The following PVT1 variants were observed in gnomAD, a reference collection of about 807,000 sequenced individuals.
The protein encoded by PVT1 is CXCR4/PVT1 fusion.
At chr8:128,074,829 C>T (rs1211886936) in intron 5 of PVT1, among the ~76,000 whole-genome samples, 1 of 152,168 alleles carries the variant, frequency 6.6e-6, no homozygotes, top group East Asian at 1.9e-4. Flanking sequence ...CAACCATCTT[C>T]CTCTCACACT....
At chr8:128,089,305 A>G (rs1286692906) in intron 5 of PVT1, among the ~76,000 whole-genome samples, 2 of 152,138 alleles carry the variant, frequency 1.3e-5, no homozygotes, top group Non-Finnish European at 2.9e-5. Flanking sequence ...TCGTTCATAA[A>G]TGATTGCTTT....
intron 3 of PVT1, among the ~76,000 whole-genome samples, chr8:127,984,877 CTTTCTTTCTTTCTT>C (rs1374797383): frequency 2.3e-5 from 2 of 87,434 alleles, no homozygotes; most frequent in Non-Finnish European, 4.7e-5. Flanking sequence ...TTCTTTCTTT[CTTTCTTTCTTTCTT>C]TCTTTCTTTC....
At chr8:128,056,744 G>C (rs762432628) in intron 4 of PVT1, among the ~76,000 whole-genome samples, 1 of 152,206 alleles carries the variant, frequency 6.6e-6, no homozygotes, top group Non-Finnish European at 1.5e-5. Context: ...CAGGCCTGCT[G>C]ACTCCAAGAG....
chr8:127,931,412 G>A (rs935369351), intron 3 of PVT1, among the ~76,000 whole-genome samples: 54 of 152,148 alleles, frequency 3.5e-4, no homozygotes, highest in African/African-American at 1.3e-3. Flanking sequence ...TGAAGGTGGG[G>A]GCACTATGTT....
chr8:127,963,022 G>A lies in PVT1; in HGVS notation n.783-26140G>A, dbSNP rs1816664531. ...GAGGTGTTTGGAAGAGGGCCCCAAT[G>A]GACCTCTGGCCTGCGGGATTGAGAT... On this transcript the variant is annotated intron_variant and non_coding_transcript_variant, in intron 3 of 10. Coordinates refer to ENST00000651587, the Ensembl canonical transcript of PVT1. 1.3e-5 allele frequency among the ~76,000 whole-genome samples: 2 copies of A among 152,182 alleles called. 1 individual carries two copies. Among genetic ancestry groups the A allele is most frequent in the Non-Finnish European group, 2.9e-5 (2 of 68,038 alleles).
At chr8:128,070,916 A>C (rs1813978345) in intron 5 of PVT1, among the ~76,000 whole-genome samples, 1 of 152,254 alleles carries the variant, frequency 6.6e-6, no homozygotes, top group Admixed American at 6.5e-5. Context: ...GTGGCTGATC[A>C]GTAACTTGGC....
At chr8:128,058,145 C>T (rs913592405) in intron 4 of PVT1, among the ~76,000 whole-genome samples, 6 of 152,184 alleles carry the variant, frequency 3.9e-5, no homozygotes, top group African/African-American at 1.2e-4. Context: ...TCATCTCTCT[C>T]GATTCTTCAG....
intron 3 of PVT1, among the ~76,000 whole-genome samples, chr8:127,966,486 G>A (rs1816704005): frequency 6.6e-6 from 1 of 152,176 alleles, no homozygotes; most frequent in African/African-American, 2.4e-5. Flanking sequence ...AAGCTAAACT[G>A]GGACATAACT....
chr8:127,974,040 C>G (rs1816794443), intron 3 of PVT1, among the ~76,000 whole-genome samples: 1 of 151,648 alleles, frequency 6.6e-6, no homozygotes, highest in African/African-American at 2.4e-5. Context: ...GGCCTCTCAG[C>G]AGGGCTTTAT....
chr8:127,901,158 A>T (rs1815754049), intron 3 of PVT1, among the ~76,000 whole-genome samples: 1 of 152,194 alleles, frequency 6.6e-6, no homozygotes, highest in Non-Finnish European at 1.5e-5. Context: ...ATGAGGCTGG[A>T]CATGGAGGTC....
chr8:127,798,158 G>A (rs569541275), intron 2 of PVT1, among the ~76,000 whole-genome samples: 5 of 151,824 alleles, frequency 3.3e-5, no homozygotes, highest in Non-Finnish European at 7.4e-5. Context: ...CAAAAAATTA[G>A]CCGGGCATGG....
intron 3 of PVT1, among the ~76,000 whole-genome samples, chr8:127,897,517 A>C (rs1011456141): frequency 3.3e-5 from 5 of 150,686 alleles, no homozygotes; most frequent in African/African-American, 1.2e-4. Flanking sequence ...GAAGGAAGGA[A>C]GGAAAGAAAG....
exon 2 of PVT1, chr8:127,796,006 G>T (rs566519441): frequency 6.6e-4 from 113 of 170,584 alleles, no homozygotes; most frequent in African/African-American, 2.6e-3. Context: ...TTACATCTTG[G>T]AGGTGAGGAC....
intron 4 of PVT1, among the ~76,000 whole-genome samples, chr8:127,992,586 G>A (rs1272435806): frequency 6.6e-6 from 1 of 152,156 alleles, no homozygotes; most frequent in Non-Finnish European, 1.5e-5. Context: ...CACTTGGTCT[G>A]GTTGTGAGGA....
chr8:127,916,795 G>A (rs766182699), intron 3 of PVT1, among the ~76,000 whole-genome samples: 4 of 152,122 alleles, frequency 2.6e-5, no homozygotes, highest in Non-Finnish European at 5.9e-5. Flanking sequence ...CTTCCTTCCT[G>A]AGCCCCACTT....
intron 5 of PVT1, among the ~76,000 whole-genome samples, chr8:128,088,071 T>C (rs932021314): frequency 6.6e-6 from 1 of 152,148 alleles, no homozygotes; most frequent in Non-Finnish European, 1.5e-5. Flanking sequence ...TACTTGTTTT[T>C]TTTCCCTCAA....
intron 2 of PVT1, among the ~76,000 whole-genome samples, chr8:127,841,577 T>C (rs1814975428): frequency 6.6e-6 from 1 of 152,048 alleles, no homozygotes; most frequent in South Asian, 2.1e-4. Context: ...CTCCATTTTA[T>C]AGGAGGTGAA....
chr8:127,815,845 G>T (rs992334002), intron 2 of PVT1, among the ~76,000 whole-genome samples: 8 of 152,198 alleles, frequency 5.3e-5, no homozygotes, highest in Non-Finnish European at 8.8e-5. Context: ...TAGATGTAAG[G>T]CTGGGTGTGG....
chr8:127,812,269 A>AGGCG (rs1814606416), intron 2 of PVT1, among the ~76,000 whole-genome samples: 1 of 78,066 alleles, frequency 1.3e-5, no homozygotes. Context: ...GAAGGCAGGA[A>AGGCG]GGAAGGAAGG....
Sources: gnomAD v4.1 joint callset for allele counts (sites outside exome capture counted in the v4.1 genomes callset) on GRCh38, gnomAD v4.1.1 for gene constraint, MANE v1.5 for transcripts, NCBI Gene and HGNC (gene_info 2026-07-23, HGNC 2026-07-21) for gene names.